PTPRN: variants seen among roughly 807,000 people sequenced by gnomAD.
PTPRN encodes receptor-type tyrosine-protein phosphatase-like N.
PTPRN carries 70 observed loss-of-function variants against 108.5 expected under a neutral mutation model. The observed-to-expected ratio is 0.65, with a 90% CI of 0.53 to 0.79. The LOEUF (loss-of-function observed/expected upper bound fraction) is 0.79. Ranked by LOEUF, PTPRN falls within the 30% of genes least tolerant of loss-of-function variation. The pLI, the probability that PTPRN is intolerant of heterozygous loss-of-function variation, is 0.00. For synonymous variants in PTPRN, 496 were observed against 524.6 expected (o/e 0.95, Z 0.75); for missense variants, 1,136 against 1,295.5 (o/e 0.88, Z 1.89).
chr2:219,297,525 G>C lies in PTPRN; in HGVS notation c.1888-92C>G. On this transcript the variant is annotated intron_variant, in intron 13 of 22. Transcript: ENST00000295718. The surrounding 1 kb of genome is among the most constrained non-coding windows in gnomAD (Gnocchi z 6.0). ...ACTCTGGGCTCCTAGGCTTGCCCTT[G>C]ACTGATTTTCAGTGGAACTCAGCTC... The C allele has an allele frequency of 7.8e-7, 1 of 1,286,300 alleles. No individual in the cohort carries two copies. Among genetic ancestry groups the C allele is most frequent in the Non-Finnish European group, 1.1e-6 (1 of 915,532 alleles). 79.7% of individuals were successfully genotyped at this position (1,286,300 alleles called of 1,614,324 possible).
chr2:219,291,227 C>A (rs142543995), intron 20 of PTPRN, among the ~76,000 whole-genome samples: 3 of 152,210 alleles, frequency 2.0e-5, no homozygotes, highest in African/African-American at 7.2e-5. Flanking sequence ...GTATAGGGGG[C>A]CAATGGTCAA....
Position 219,290,948 on chromosome 2 carries a change from GGAGGAGGC to G in PTPRN, c.2730-66_2730-59del, listed in dbSNP as rs1304834926. ...AGATGCAGCAGAAAGGGGGAGGGAC[GGAGGAGGC>G]GAGGAGGCCTGGAGGCCTGGGGGAG... On this transcript the variant is annotated intron_variant, in intron 20 of 22. Coordinates refer to ENST00000295718, the MANE Select transcript of PTPRN (RefSeq NM_002846.4). This position sits in a 1 kb window ranked among gnomAD's most constrained non-coding sequence, Gnocchi z 4.2. 2 of 1,563,216 alleles carry G rather than the reference GGAGGAGGC, an allele frequency of 1.3e-6. No individual in the cohort carries two copies. The highest frequency in any genetic ancestry group is 4.5e-5 in the East Asian group (2 of 44,592).
At chr2:219,293,129 A>G (rs1277566098) in intron 19 of PTPRN, among the ~76,000 whole-genome samples, 1 of 151,446 alleles carries the variant, frequency 6.6e-6, no homozygotes, top group East Asian at 1.9e-4. Flanking sequence ...CTCTTTTATT[A>G]ATTTGTTTTC....
At chr2:219,300,556 G>A (rs1952320888) in intron 8 of PTPRN, 1 of 466,110 alleles carries the variant, frequency 2.1e-6, no homozygotes, top group Non-Finnish European at 3.7e-6. Context: ...CAAACAGGCA[G>A]GCGATGGTTT....
chr2:219,297,961 G>A lies in PTPRN; in HGVS notation c.1811C>T (p.Ala604Val), dbSNP rs375078153. The change falls in exon 13 of 23, where the codon GCG (alanine) becomes GTG (valine). Residue 604 changes from alanine (A) to valine (V), a missense_variant. By Grantham distance (64) the Ala-to-Val change is moderately conservative (BLOSUM62 0). Transcript: ENST00000295718. This position sits in a 1 kb window ranked among gnomAD's most constrained non-coding sequence, Gnocchi z 6.0. ...CAGGCGCTCCTTGTCTTGCTGCCGC[G>A]CATGCTGCCGCACACACAGAGCCAC... is the stretch of plus-strand genomic sequence containing the variant. ...LAVALCVRQH[A>V]RQQDKERLAA... The A allele has an allele frequency of 1.9e-6, 3 of 1,613,596 alleles. No individual in the cohort carries two copies. Among genetic ancestry groups the A allele is most frequent in the East Asian group, 2.2e-5 (1 of 44,896 alleles).
Position 219,309,258 on chromosome 2 carries a change from C to A in PTPRN, c.75G>T (p.Leu25=). 6.5e-7 allele frequency: 1 copy of A among 1,538,042 alleles called. No homozygotes were observed. Among genetic ancestry groups the A allele is most frequent in the East Asian group, 2.4e-5 (1 of 41,188 alleles). The stretch of plus-strand genomic sequence containing the variant: ...CGCTGCAGCCCCCCGGGCGGCTGCT[C>A]AGCAGCAGGAGGCAGAGGAGCAGCC... ...GLRLLLCLLL[L]SSRPGGCSAV... The change falls in exon 1 of 23, where the codon CTG becomes CTT. Residue 25 remains leucine (L), a synonymous_variant. Transcript: ENST00000295718.
At position 219,297,519 on chromosome 2, in the gene PTPRN, G is replaced by T; in HGVS notation, c.1888-86C>A. 7.6e-7 allele frequency: 1 copy of T among 1,318,740 alleles called. No homozygotes were observed. Among genetic ancestry groups the T allele is most frequent in the Non-Finnish European group, 1.1e-6 (1 of 941,478 alleles). 81.7% of individuals were successfully genotyped at this position (1,318,740 alleles called of 1,614,324 possible). ...GGTTCAACTCTGGGCTCCTAGGCTTGCCCTTGACTGATTTTCAGTGGAACT... is the reference window on the plus strand; with the variant it reads ...GGTTCAACTCTGGGCTCCTAGGCTTTCCCTTGACTGATTTTCAGTGGAACT... On this transcript the variant is annotated intron_variant, in intron 13 of 22. Transcript: ENST00000295718. This position sits in a 1 kb window ranked among gnomAD's most constrained non-coding sequence, Gnocchi z 6.0.
Position 219,300,972 on chromosome 2 carries a change from C to A in PTPRN, c.1132G>T (p.Val378Phe). Reference protein sequence around the residue: ...PKGAGRNPGGVVNVGADIKKT... With the variant: ...PKGAGRNPGGFVNVGADIKKT... ...TTGATATCAGCTCCAACATTTACAA[C>A]CCCTCCTGCGAGACAGGAAAAACAA... The change falls in exon 8 of 23, where the codon GTT (valine) becomes TTT (phenylalanine). Residue 378 changes from valine (V) to phenylalanine (F), a missense_variant. Physicochemically the swap from Val to Phe is conservative, Grantham distance 50 (BLOSUM62 -1). Coordinates refer to ENST00000295718, the MANE Select transcript of PTPRN (RefSeq NM_002846.4). The A allele has an allele frequency of 5.0e-6, 8 of 1,614,170 alleles. No individual in the cohort carries two copies. Among genetic ancestry groups the A allele is most frequent in the Non-Finnish European group, 6.8e-6 (8 of 1,180,020 alleles).
rs1294314726 is a variant in PTPRN, at chr2:219,309,325, C to A, written c.8G>T (p.Arg3Leu). MRRPRRPGGLGGS... is the reference protein window; with the variant it reads MRLPRRPGGLGGS... ...CCCGAGACCCCCAGGCCGCCGCGGG[C>A]GCCGCATCTTTCCGAGCTCCGGGCG... The change falls in exon 1 of 23, where the codon CGC becomes CTC. Residue 3 changes from arginine (R) to leucine (L), a missense_variant. Coordinates refer to ENST00000295718, the MANE Select transcript of PTPRN (RefSeq NM_002846.4). 6.1e-6 allele frequency: 9 copies of A among 1,466,912 alleles called. No individual in the cohort carries two copies. The Admixed American group carries it at 9.7e-5, about 16-fold the overall frequency. 90.9% of individuals were successfully genotyped at this position (1,466,912 alleles called of 1,614,324 possible). A position where few individuals can be genotyped will look rare whatever the true frequency, so the allele number is the denominator to read the frequency against.
intron 8 of PTPRN, chr2:219,300,569 A>T (rs1282012693): frequency 2.1e-6 from 1 of 475,710 alleles, no homozygotes; most frequent in Non-Finnish European, 3.7e-6. Context: ...GATGGTTTCT[A>T]GACTTTTGTT....
At chr2:219,293,212 G>A (rs1436858265) in intron 19 of PTPRN, among the ~76,000 whole-genome samples, 1 of 151,790 alleles carries the variant, frequency 6.6e-6, no homozygotes, top group East Asian at 1.9e-4. Flanking sequence ...AGGGAGTCTG[G>A]CTCTGTTGCC....
At chr2:219,301,767 T>C in intron 6 of PTPRN, 48 bp from the exon 7 acceptor site, 1 of 1,574,066 alleles carries the variant, frequency 6.4e-7, no homozygotes, top group Non-Finnish European at 8.7e-7. Context: ...GCAGTGAACT[T>C]GAGGGATGCA....
In PTPRN at chr2:219,299,305, C is replaced by T; in HGVS notation, c.1603G>A (p.Gly535Arg). 2 of 1,614,156 alleles carry T rather than the reference C, an allele frequency of 1.2e-6. No homozygotes were observed. Among genetic ancestry groups the T allele is most frequent in the Middle Eastern group, 3.3e-4 (2 of 6,062 alleles). Reference sequence around the variant, plus strand: ...GGATTGAGGTCGCAGAGATATTTACCTGCTTGTTGGGTCACATCAGCCAAA... The same window carrying T: ...GGATTGAGGTCGCAGAGATATTTACTTGCTTGTTGGGTCACATCAGCCAAA... ...LSLADVTQQAGLVKSELEAQT... is the reference protein window; with the variant it reads ...LSLADVTQQARLVKSELEAQT... Residue 535 changes from glycine to arginine, a missense_variant and splice_region_variant, in exon 11 of 23, where the codon GGG becomes AGG. Coordinates refer to ENST00000295718, the MANE Select transcript of PTPRN (RefSeq NM_002846.4).
At position 219,289,982 on chromosome 2, in the gene PTPRN, G is replaced by T; in HGVS notation, c.*244C>A. 3.6e-6 allele frequency: 2 copies of T among 548,226 alleles called. No individual in the cohort carries two copies. Among genetic ancestry groups the T allele is most frequent in the Admixed American group, 3.1e-5 (1 of 31,856 alleles). The allele number at this position is 548,226 out of a possible 1,614,324, so 34.0% of individuals were successfully genotyped here. ...GGCTCTGGGTAGAATTGCTACCCAT[G>T]TCCTTTCCTCTCCTCCTGGCTGCAG... On this transcript the variant is annotated 3_prime_UTR_variant, in exon 23 of 23. Transcript: ENST00000295718.
Position 219,290,776 on chromosome 2 carries a change from G to A in PTPRN, c.2794+50C>T, listed in dbSNP as rs375434033. ...CTCCCAGGACCCTGTGTGCTGGGGAGCCTCTAAAAAGGGCCTGGGGGCTGC... is the reference window on the plus strand; with the variant it reads ...CTCCCAGGACCCTGTGTGCTGGGGAACCTCTAAAAAGGGCCTGGGGGCTGC... On this transcript the variant is annotated intron_variant, in intron 21 of 22. Transcript: ENST00000295718. This position sits in a 1 kb window ranked among gnomAD's most constrained non-coding sequence, Gnocchi z 4.2. 1.2e-5 allele frequency: 19 copies of A among 1,576,246 alleles called. No homozygotes were observed. Among genetic ancestry groups the A allele is most frequent in the Non-Finnish European group, 1.6e-5 (18 of 1,145,790 alleles).
At position 219,307,905 on chromosome 2, in the gene PTPRN, G is replaced by A. The variant is rs1011563812; in HGVS notation, c.116-63C>T. On this transcript the variant is annotated intron_variant, in intron 1 of 22. Transcript: ENST00000295718. ...CTCACAGAGAATGGGCAGATGGGTG[G>A]ACAGGCTGGGAACGGGAGAAGCAGA... 5.3e-6 allele frequency: 8 copies of A among 1,495,382 alleles called. No individual in the cohort carries two copies. In the African/African-American group the frequency reaches 5.6e-5, roughly 10 times the overall value. The allele number at this position is 1,495,382 out of a possible 1,614,324, so 92.6% of individuals were successfully genotyped here.
chr2:219,307,656 C>A, intron 2 of PTPRN, 99 bp from the exon 3 acceptor site: 2 of 1,443,232 alleles, frequency 1.4e-6, no homozygotes, highest in Non-Finnish European at 1.9e-6. Context: ...TCTCCCCTAC[C>A]TCTCCTCCTC....
Position 219,299,605 on chromosome 2 carries a change from T to C in PTPRN, c.1523+95A>G, listed in dbSNP as rs547631109. ...TGGGAGCATCCCTGAGCTCAGAGCT[T>C]GTCTGCTCTTCCTCCCGCAGGCCCC... On this transcript the variant is annotated intron_variant, in intron 10 of 22. Transcript: ENST00000295718. 9.3e-6 allele frequency: 12 copies of C among 1,290,192 alleles called. No individual in the cohort carries two copies. The East Asian group carries it at 2.8e-4, about 30-fold the overall frequency. 79.9% of individuals were successfully genotyped at this position (1,290,192 alleles called of 1,614,324 possible). A position where few individuals can be genotyped will look rare whatever the true frequency, so the allele number is the denominator to read the frequency against.
chr2:219,299,870 A>G, intron 9 of PTPRN, 84 bp from the exon 10 acceptor site: 1 of 1,560,900 alleles, frequency 6.4e-7, no homozygotes, highest in Non-Finnish European at 8.7e-7. Context: ...AGGGGTACAG[A>G]GCAGCCTGCC....
Sources: gnomAD v4.1 joint callset for allele counts (sites outside exome capture counted in the v4.1 genomes callset) on GRCh38, gnomAD v4.1.1 for gene constraint, Gnocchi (gnomAD v3.1) non-coding constraint, MANE v1.5 for transcripts, NCBI Gene and HGNC (gene_info 2026-07-23, HGNC 2026-07-21) for gene names.